Variants in ATP13A5 observed in about 807,000 individuals in gnomAD.
ATP13A5 encodes probable cation-transporting ATPase 13A5.
A neutral mutation model predicts 150.2 loss-of-function variants in ATP13A5; 149 were observed. The ratio of observed to expected loss-of-function variants is 0.99; its 90% CI spans 0.87 to 1.14. The LOEUF (loss-of-function observed/expected upper bound fraction) is 1.14, where lower values mean the gene tolerates loss of function less well. Ranked by LOEUF, ATP13A5 falls within the 50% of genes most tolerant of loss-of-function variation. The pLI, the probability that ATP13A5 is intolerant of heterozygous loss-of-function variation, is 0.00. For synonymous variants in ATP13A5, 497 were observed against 522.2 expected, an observed-to-expected ratio of 0.95 and a Z score of 0.66; for missense variants, 1,383 against 1,449.3, an observed-to-expected ratio of 0.95 and a Z score of 0.74.
At chr3:193,301,190 C>T in intron 24 of ATP13A5, 21 bp downstream of exon 24, 1 of 1,572,694 alleles carries the variant, frequency 6.4e-7, no homozygotes, top group Non-Finnish European at 8.7e-7. Flanking sequence ...AGAACTGAGA[C>T]AAAATGATTT....
chr3:193,333,439 C>T (rs1235020697), intron 11 of ATP13A5, among the ~76,000 whole-genome samples: 3 of 151,676 alleles, frequency 2.0e-5, no homozygotes, highest in Non-Finnish European at 4.4e-5. Flanking sequence ...CCAAATGAAA[C>T]CTGACACCCT....
intron 13 of ATP13A5, 64 bp from the exon 14 acceptor site, chr3:193,325,078 C>G (rs1719423712): frequency 6.6e-7 from 1 of 1,525,108 alleles, no homozygotes; most frequent in South Asian, 1.2e-5. Flanking sequence ...TCCCTTAAAT[C>G]TTACTAAAGT....
At position 193,294,212 on chromosome 3, in the gene ATP13A5, C is replaced by T. The variant is rs117622628; in HGVS notation, c.2849-4153G>A. Among the ~76,000 whole-genome samples the T allele has an allele frequency of 1.3e-3, 196 of 147,598 alleles. 2 individuals are homozygous for T. In the East Asian group the frequency reaches 0.037, roughly 28 times the overall value. Reference sequence around the variant, plus strand: ...AAGAAGAAGAGACACAAGGTGGCCACCTGGAAATAAAGAAAGTGACCTCCA... The same window carrying T: ...AAGAAGAAGAGACACAAGGTGGCCATCTGGAAATAAAGAAAGTGACCTCCA... On this transcript the variant is annotated intron_variant, in intron 25 of 29. Transcript: ENST00000342358.
In ATP13A5 at chr3:193,361,645, T is replaced by C. The variant is rs183341821; in HGVS notation, c.536+736A>G. 4.4e-3 allele frequency among the ~76,000 whole-genome samples: 669 copies of C among 152,278 alleles called. 11 individuals carry two copies. Among genetic ancestry groups the C allele is most frequent in the African/African-American group, 0.015 (642 of 41,562 alleles). On this transcript the variant is annotated intron_variant, in intron 5 of 29. Transcript: ENST00000342358. Reference sequence around the variant, plus strand: ...TTCAGATTTGCCAGGGTTCATCATTTCAAATAATAGCTGAAGAAAGCAGGG... The same window carrying C: ...TTCAGATTTGCCAGGGTTCATCATTCCAAATAATAGCTGAAGAAAGCAGGG...
rs73888281 is a variant in ATP13A5 at position 193,347,553 on chromosome 3, A to T, written c.742-2478T>A. On this transcript the variant is annotated intron_variant, in intron 7 of 29. Transcript: ENST00000342358. ...TTTTTTTGCTTAGAAACTCGTTTAGATAATGCCAAATTCAGCTTAGCATAA... is the reference window on the plus strand; with the variant it reads ...TTTTTTTGCTTAGAAACTCGTTTAGTTAATGCCAAATTCAGCTTAGCATAA... 9.3e-3 allele frequency among the ~76,000 whole-genome samples: 1,353 copies of T among 145,674 alleles called. 28 individuals carry two copies. The highest frequency in any genetic ancestry group is 0.034 in the Middle Eastern group (9 of 264).
At chr3:193,302,835 A>G (rs1718455649) in intron 23 of ATP13A5, among the ~76,000 whole-genome samples, 1 of 152,164 alleles carries the variant, frequency 6.6e-6, no homozygotes, top group African/African-American at 2.4e-5. Flanking sequence ...TCAAGGATAG[A>G]AAAAGTAAAA....
intron 15 of ATP13A5, among the ~76,000 whole-genome samples, chr3:193,322,135 G>A (rs1719303252): frequency 6.6e-6 from 1 of 152,108 alleles, no homozygotes; most frequent in African/African-American, 2.4e-5. Context: ...TCCCATGTCA[G>A]GACTCTTGAA....
intron 25 of ATP13A5, 118 bp from the exon 26 acceptor site, chr3:193,290,177 CAGA>C: frequency 9.7e-7 from 1 of 1,026,352 alleles, no homozygotes; most frequent in East Asian, 2.8e-5. Context: ...CAAACACGAA[CAGA>C]AGATTTACAC....
At chr3:193,375,516 A>AT (rs1262965203) in intron 1 of ATP13A5, among the ~76,000 whole-genome samples, 2 of 152,174 alleles carry the variant, frequency 1.3e-5, no homozygotes, top group African/African-American at 4.8e-5. Flanking sequence ...GGCAGGGCAG[A>AT]TTTTTAGGAA....
chr3:193,302,948 G>A (rs1718460789), intron 23 of ATP13A5, among the ~76,000 whole-genome samples: 1 of 152,180 alleles, frequency 6.6e-6, no homozygotes, highest in Non-Finnish European at 1.5e-5. Context: ...TGCCACTGGA[G>A]AAATTTTACA....
chr3:193,284,466 C>G (rs775883069), intron 27 of ATP13A5, among the ~76,000 whole-genome samples: 11 of 152,126 alleles, frequency 7.2e-5, no homozygotes, highest in Non-Finnish European at 1.3e-4. Context: ...TAGGCCCATT[C>G]CATAAAATGC....
intron 29 of ATP13A5, among the ~76,000 whole-genome samples, chr3:193,276,264 G>T (rs1717195073): frequency 5.9e-5 from 9 of 152,076 alleles, no homozygotes. Context: ...TTACTAAGTG[G>T]GTAAAGTCAT....
intron 5 of ATP13A5, among the ~76,000 whole-genome samples, chr3:193,361,509 G>A (rs550988157): frequency 6.6e-6 from 1 of 152,266 alleles, no homozygotes; most frequent in African/African-American, 2.4e-5. Flanking sequence ...TTCTTAGCTT[G>A]AGAATAGGTG....
At chr3:193,315,486 A>T (rs1423254068) in intron 17 of ATP13A5, among the ~76,000 whole-genome samples, 3 of 152,224 alleles carry the variant, frequency 2.0e-5, no homozygotes, top group Non-Finnish European at 1.5e-5. Flanking sequence ...CATTCTGCAT[A>T]CATACAAGAC....
At chr3:193,314,285 C>A in intron 18 of ATP13A5, 92 bp from the exon 19 acceptor site, 1 of 1,392,264 alleles carries the variant, frequency 7.2e-7, no homozygotes, top group African/African-American at 1.4e-5. Flanking sequence ...GCTTGGTGTT[C>A]TTTGAGAGCA....
intron 1 of ATP13A5, among the ~76,000 whole-genome samples, chr3:193,371,822 T>G (rs1713452584): frequency 6.6e-6 from 1 of 152,206 alleles, no homozygotes; most frequent in Non-Finnish European, 1.5e-5. Context: ...ATCTCCATTT[T>G]TATTAACTCC....
At chr3:193,322,635 C>G in intron 14 of ATP13A5, 61 bp from the exon 15 acceptor site, 2 of 1,182,064 alleles carry the variant, frequency 1.7e-6, no homozygotes, top group Non-Finnish European at 2.5e-6. Context: ...AAAGAAATAT[C>G]TCTTATTTGC....
chr3:193,318,959 C>G (rs765613069), intron 17 of ATP13A5, 32 bp downstream of exon 17: 3 of 1,483,066 alleles, frequency 2.0e-6, no homozygotes, highest in South Asian at 2.3e-5. Context: ...GGGCACAGAG[C>G]CTGCTCTAGT....
intron 25 of ATP13A5, among the ~76,000 whole-genome samples, chr3:193,291,475 A>G (rs570288781): frequency 6.3e-4 from 96 of 152,166 alleles, no homozygotes; most frequent in African/African-American, 2.3e-3. Context: ...TTGAGAGTTT[A>G]TGCTAACAAG....
Sources: gnomAD v4.1 joint callset for allele counts (sites outside exome capture counted in the v4.1 genomes callset) on GRCh38, gnomAD v4.1.1 for gene constraint, MANE v1.5 for transcripts, NCBI Gene and HGNC (gene_info 2026-07-23, HGNC 2026-07-21) for gene names.